Variants in SLC12A7 observed in about 807,000 individuals in gnomAD.
SLC12A7 encodes solute carrier family 12 member 7, also known as K-Cl cotransporter 4.
SLC12A7 carries 100 observed loss-of-function variants against 120.6 expected under a neutral mutation model. The observed-to-expected ratio is 0.83, with a 90% CI of 0.71 to 0.98. SLC12A7 has a LOEUF of 0.98. SLC12A7 is among the 50% of genes least tolerant of loss of function. SLC12A7 has a pLI of 0.00. For synonymous variants in SLC12A7, 760 were observed against 678.0 expected, an observed-to-expected ratio of 1.12 and a Z score of -1.88; for missense variants, 1,373 against 1,548.1, an observed-to-expected ratio of 0.89 and a Z score of 1.90.
Position 1,077,998 on chromosome 5 carries a change from C to T in SLC12A7, c.1464G>A (p.Glu488=). 1.9e-6 allele frequency: 3 copies of T among 1,565,556 alleles called. No individual in the cohort carries two copies. Among genetic ancestry groups the T allele is most frequent in the Admixed American group, 1.9e-5 (1 of 52,336 alleles). ...EGVVLRDKFG[E]ALQGNLVIGM... is the part of the protein sequence containing the mutation. ...CGATGACCAGGTTCCCCTGCAGGGC[C>T]TCCCCGAACCTGCAGGCAGGCGGGC... Residue 488 remains glutamate (E), a synonymous_variant, in exon 12 of 24, where the codon GAG becomes GAA. Transcript: ENST00000264930.
the SLC12A7 span, among the ~76,000 whole-genome samples, chr5:1,154,354 AACACACAC>A: frequency 5.2e-4 from 74 of 141,806 alleles, no homozygotes; most frequent in African/African-American, 1.6e-3. Flanking sequence ...TGGTGTCCGC[AACACACAC>A]ACACACACAC....
chr5:1,140,095 G>T, the SLC12A7 span, among the ~76,000 whole-genome samples: 1 of 152,222 alleles, frequency 6.6e-6, no homozygotes. Context: ...CCACCGCCTT[G>T]GCCTCAACCA....
intron 16 of SLC12A7, 111 bp from the exon 17 acceptor site, chr5:1,073,912 G>C: frequency 9.2e-7 from 1 of 1,086,860 alleles, no homozygotes; most frequent in African/African-American, 1.6e-5. Flanking sequence ...TGGGACGGGA[G>C]ATACATGACA....
At chr5:1,141,756 A>G in the SLC12A7 span, among the ~76,000 whole-genome samples, 1 of 152,262 alleles carries the variant, frequency 6.6e-6, no homozygotes, top group Non-Finnish European at 1.5e-5. Context: ...CAGCGTGGAC[A>G]AGGAATAACT....
intron 1 of SLC12A7, among the ~76,000 whole-genome samples, chr5:1,100,358 G>T (rs184094926): frequency 1.3e-5 from 2 of 152,228 alleles, no homozygotes; most frequent in Admixed American, 1.3e-4. Context: ...TGTAAAGGCC[G>T]CCTGGCCCCT....
At chr5:1,146,782 T>A in the SLC12A7 span, among the ~76,000 whole-genome samples, 1 of 152,204 alleles carries the variant, frequency 6.6e-6, no homozygotes, top group Admixed American at 6.5e-5. This position sits in a 1 kb window ranked among gnomAD's most constrained non-coding sequence, Gnocchi z 6.5. Context: ...ATCCTTTCTA[T>A]TGATAGTAAC....
chr5:1,098,174 C>A (rs1381133956), intron 1 of SLC12A7, among the ~76,000 whole-genome samples: 16 of 140,014 alleles, frequency 1.1e-4, no homozygotes, highest in Middle Eastern at 3.8e-3. Context: ...CCCCCTCTAA[C>A]CCTCTGCACG....
chr5:1,085,160 G>C, intron 7 of SLC12A7, 72 bp downstream of exon 7: 1 of 1,564,746 alleles, frequency 6.4e-7, no homozygotes, highest in South Asian at 1.2e-5. Context: ...TGATGGACGA[G>C]AGGCGGGCAG....
the SLC12A7 span, among the ~76,000 whole-genome samples, chr5:1,141,155 T>C: frequency 6.6e-6 from 1 of 152,192 alleles, no homozygotes; most frequent in African/African-American, 2.4e-5. Flanking sequence ...TCCGGCCTCT[T>C]CTTGGCTTGC....
At chr5:1,074,970 C>A (rs573016680) in intron 15 of SLC12A7, among the ~76,000 whole-genome samples, 33 of 145,202 alleles carry the variant, frequency 2.3e-4, no homozygotes, top group African/African-American at 7.6e-4. Context: ...GGCTGGACCC[C>A]GGGCACGAGG....
rs554156873 is a variant in SLC12A7 at position 1,085,845 on chromosome 5, A to G, written c.676-372T>C. On this transcript the variant is annotated intron_variant, in intron 6 of 23. Transcript: ENST00000264930. ...CCGCATGTCCGCACTCAAAAGAAAC[A>G]CCTTCTGCTAAGAGGAATGTGACTG... is the stretch of plus-strand genomic sequence containing the variant. Among the ~76,000 whole-genome samples the G allele has an allele frequency of 9.2e-5, 14 of 152,256 alleles. No individual in the cohort carries two copies. In the South Asian group the frequency reaches 2.7e-3, roughly 29 times the overall value.
At chr5:1,117,696 T>C in the SLC12A7 span, among the ~76,000 whole-genome samples, 3 of 152,154 alleles carry the variant, frequency 2.0e-5, no homozygotes, top group African/African-American at 7.2e-5. This position sits in a 1 kb window ranked among gnomAD's most constrained non-coding sequence, Gnocchi z 4.5. Context: ...AAGGACAGCT[T>C]CAATTCCCTA....
chr5:1,064,457 C>G (rs1467806789), intron 18 of SLC12A7, among the ~76,000 whole-genome samples: 3 of 152,242 alleles, frequency 2.0e-5, no homozygotes, highest in Admixed American at 6.5e-5. Context: ...TCCAGGGAAT[C>G]CCCCAGCCCC....
chr5:1,128,245 G>T, the SLC12A7 span, among the ~76,000 whole-genome samples: 1 of 152,228 alleles, frequency 6.6e-6, no homozygotes, highest in Admixed American at 6.5e-5. Context: ...TGGGACCAGG[G>T]TTGCTGGATC....
chr5:1,104,076 T>C (rs1357025444), intron 1 of SLC12A7, among the ~76,000 whole-genome samples: 1 of 152,166 alleles, frequency 6.6e-6, no homozygotes, highest in African/African-American at 2.4e-5. Flanking sequence ...TCGGGGACCC[T>C]TGGCGGCATG....
chr5:1,074,533 C>A (rs377253017), intron 16 of SLC12A7, 34 bp downstream of exon 16: 6 of 1,572,446 alleles, frequency 3.8e-6, no homozygotes, highest in Non-Finnish European at 5.2e-6. Context: ...CTCTTCTGTG[C>A]GTCTGAGGAC....
intron 17 of SLC12A7, among the ~76,000 whole-genome samples, chr5:1,066,234 G>A (rs1737039688): frequency 6.6e-6 from 1 of 152,162 alleles, no homozygotes; most frequent in Admixed American, 6.5e-5. Flanking sequence ...TGCCTCTCCT[G>A]GCTTGTCCCC....
At chr5:1,063,709 T>C (rs1736578965) in intron 20 of SLC12A7, 135 bp downstream of exon 20, 2 of 12,274 alleles carry the variant, frequency 1.6e-4, no homozygotes, top group African/African-American at 4.3e-4. Flanking sequence ...CACCCCCACC[T>C]CACGAGGCCA....
At chr5:1,113,701 A>C (rs1743199052), upstream of SLC12A7, among the ~76,000 whole-genome samples, 1 of 152,136 alleles carries the variant, frequency 6.6e-6, no homozygotes, top group African/African-American at 2.4e-5. Context: ...CAGAAGATAA[A>C]ATAGTTCCCA....
Sources: gnomAD v4.1 joint callset for allele counts (sites outside exome capture counted in the v4.1 genomes callset) on GRCh38, gnomAD v4.1.1 for gene constraint, Gnocchi (gnomAD v3.1) non-coding constraint, MANE v1.5 for transcripts, NCBI Gene and HGNC (gene_info 2026-07-23, HGNC 2026-07-21) for gene names.